ATP13A2: variants seen among roughly 807,000 people sequenced by gnomAD.
The protein encoded by ATP13A2 is ATPase cation transporting 13A2.
A neutral mutation model predicts 138.3 loss-of-function variants in ATP13A2; 83 were observed. The observed-to-expected ratio is 0.60, with a 90% confidence interval of 0.50 to 0.72. The LOEUF is 0.72. Among genes scored for constraint, ATP13A2 ranks in the 30% least tolerant of loss-of-function variants. The pLI is 0.00. For synonymous variants in ATP13A2, 663 were observed against 699.0 expected, an observed-to-expected ratio of 0.95 and a Z score of 0.81; for missense variants, 1,402 against 1,606.4, an observed-to-expected ratio of 0.87 and a Z score of 2.17.
At chr1:16,991,904 G>GC in intron 19 of ATP13A2, 46 bp from the exon 20 acceptor site, 1 of 1,613,084 alleles carries the variant, frequency 6.2e-7, no homozygotes, top group South Asian at 1.1e-5. Context: ...AGTGGCCAGG[G>GC]CCCCTCTCCC....
Position 16,986,404 on chromosome 1 carries a change from G to C in ATP13A2, c.3406-46C>G, listed in dbSNP as rs770500433. On this transcript the variant is annotated intron_variant, in intron 28 of 28. Coordinates refer to ENST00000326735, the MANE Select transcript of ATP13A2 (RefSeq NM_022089.4). The surrounding 1 kb of genome is among the most constrained non-coding windows in gnomAD (Gnocchi z 6.9). ...GTCAGGGGCAGCCGGGGCTGAGCTG[G>C]GGTCAATGCACCCCCACCTCCCTTC... 4.4e-6 allele frequency: 7 copies of C among 1,600,748 alleles called. No individual in the cohort carries two copies. Among genetic ancestry groups the C allele is most frequent in the Non-Finnish European group, 6.0e-6 (7 of 1,176,338 alleles).
intron 11 of ATP13A2, 24 bp downstream of exon 11, chr1:16,999,987 G>A (rs1265614124): frequency 1.3e-6 from 2 of 1,584,906 alleles, no homozygotes; most frequent in Admixed American, 3.5e-5. Flanking sequence ...GAAGGAAGCT[G>A]CAGGCCAGGG....
In ATP13A2 at chr1:16,986,171, G is replaced by T; in HGVS notation, c.*50C>A. 1 of 1,611,888 alleles carries T rather than the reference G, an allele frequency of 6.2e-7. No individual in the cohort carries two copies. The highest frequency in any genetic ancestry group is 8.5e-7 in the Non-Finnish European group (1 of 1,179,358). Reference sequence around the variant, plus strand: ...GTGTTGCTGGAGAGGGGTCCAGTTGGTGGCTCAGAGGCAGGGAGTTCCAGT... The same window carrying T: ...GTGTTGCTGGAGAGGGGTCCAGTTGTTGGCTCAGAGGCAGGGAGTTCCAGT... On this transcript the variant is annotated 3_prime_UTR_variant, in exon 29 of 29. Transcript: ENST00000326735. This position sits in a 1 kb window ranked among gnomAD's most constrained non-coding sequence, Gnocchi z 6.9.
rs949402946 is a variant in ATP13A2 at position 16,995,780 on chromosome 1, C to T, written c.1542+196G>A. The T allele has an allele frequency of 1.3e-6, 1 of 754,940 alleles. No homozygotes were observed. Among genetic ancestry groups the T allele is most frequent in the Non-Finnish European group, 2.3e-6 (1 of 439,614 alleles). The allele number at this position is 754,940 out of a possible 1,614,324, so 46.8% of individuals were successfully genotyped here. A position where few individuals can be genotyped will look rare whatever the true frequency, so the allele number is the denominator to read the frequency against. The stretch of plus-strand genomic sequence containing the variant: ...TTCTTGAACACATGAATACATGATT[C>T]TAGACATTTCATCTGCCAGACCGTG... On this transcript the variant is annotated intron_variant, in intron 15 of 28. Transcript: ENST00000326735. This position sits in a 1 kb window ranked among gnomAD's most constrained non-coding sequence, Gnocchi z 4.1.
intron 3 of ATP13A2, 83 bp downstream of exon 3, chr1:17,005,291 C>A (rs1042882837): frequency 3.9e-6 from 6 of 1,536,324 alleles, no homozygotes; most frequent in Non-Finnish European, 4.4e-6. Flanking sequence ...AAGTCAGTGG[C>A]CGGGTTGGCA....
In ATP13A2 at chr1:17,000,294, C is replaced by T. The variant is rs764560082; in HGVS notation, c.859G>A (p.Asp287Asn). 3.8e-6 allele frequency: 6 copies of T among 1,579,996 alleles called. No individual in the cohort carries two copies. In the South Asian group the frequency reaches 6.9e-5, roughly 18 times the overall value. Residue 287 changes from aspartate to asparagine, a missense_variant, in exon 10 of 29, where the codon GAC (aspartate) becomes AAC (asparagine). By Grantham distance (23) the Asp-to-Asn change is conservative. Coordinates refer to ENST00000326735, the MANE Select transcript of ATP13A2 (RefSeq NM_022089.4). ...ACCCGCATGGACAACTTGACCATGTCCCTTAGAGTCTGGCTTTGCTGTGGG... is the reference window on the plus strand; with the variant it reads ...ACCCGCATGGACAACTTGACCATGTTCCTTAGAGTCTGGCTTTGCTGTGGG... The part of the protein sequence containing the change: ...KTRKQSQTLR[D>N]MVKLSMRVCV...
chr1:17,002,224 A>G, intron 7 of ATP13A2, 72 bp downstream of exon 7: 1 of 1,588,568 alleles, frequency 6.3e-7, no homozygotes, highest in Admixed American at 1.8e-5. Flanking sequence ...AGGTGACTGG[A>G]AGGCAACCAC....
rs2077082847 is a variant in ATP13A2 at position 16,995,417 on chromosome 1, CAA to C, written c.1542+557_1542+558del. On this transcript the variant is annotated intron_variant, in intron 15 of 28. Transcript: ENST00000326735. This position sits in a 1 kb window ranked among gnomAD's most constrained non-coding sequence, Gnocchi z 4.1. ...GCCTGTGTTGGTCACTGCTGGGCCC[CAA>C]GGGTTGGGAGCAGCACGGGATGCAC... 1 of 227,978 alleles carries C rather than the reference CAA, an allele frequency of 4.4e-6. No homozygotes were observed. Among genetic ancestry groups the C allele is most frequent in the Non-Finnish European group, 8.8e-6 (1 of 113,802 alleles). 14.1% of individuals were successfully genotyped at this position (227,978 alleles called of 1,614,324 possible). A position where few individuals can be genotyped will look rare whatever the true frequency, so the allele number is the denominator to read the frequency against.
chr1:16,986,281 C>T lies in ATP13A2; in HGVS notation c.3483G>A (p.Gln1161=). Residue 1161 remains glutamine, a synonymous_variant, in exon 29 of 29, where the codon CAG becomes CAA. Coordinates refer to ENST00000326735, the MANE Select transcript of ATP13A2 (RefSeq NM_022089.4). This position sits in a 1 kb window ranked among gnomAD's most constrained non-coding sequence, Gnocchi z 6.9. ...PKRASKKRFK[Q]LERELAEQPW... ...GCTGCTCGGCCAGCTCTCGTTCCAGCTGCTTGAAGCGCTTCTTGGAGGCCC... is the reference window on the plus strand; with the variant it reads ...GCTGCTCGGCCAGCTCTCGTTCCAGTTGCTTGAAGCGCTTCTTGGAGGCCC... The T allele has an allele frequency of 1.2e-6, 2 of 1,604,338 alleles. No individual in the cohort carries two copies. The highest frequency in any genetic ancestry group is 8.5e-7 in the Non-Finnish European group (1 of 1,176,380).
chr1:16,999,950 A>G (rs1007103386), intron 11 of ATP13A2, 61 bp downstream of exon 11: 10 of 1,505,584 alleles, frequency 6.6e-6, no homozygotes, highest in Non-Finnish European at 8.9e-6. Context: ...CTTTTGCCGC[A>G]GGGCAAAGGG....
At position 16,997,111 on chromosome 1, in the gene ATP13A2, T is replaced by G; in HGVS notation, c.1104A>C (p.Thr368=). The change falls in exon 12 of 29, where the codon ACA becomes ACC. Residue 368 remains threonine (T), a synonymous_variant. Transcript: ENST00000326735. ...PEGLGPYCAE[T]HRRHTLFCGT... is the part of the protein sequence containing the mutation. ...CGCAGAAGAGTGTGTGCCGCCGGTG[T>G]GTCTCTGCACAGTAGGGCCCCAGCC... 1 of 1,613,758 alleles carries G rather than the reference T, an allele frequency of 6.2e-7. No homozygotes were observed. Among genetic ancestry groups the G allele is most frequent in the Non-Finnish European group, 8.5e-7 (1 of 1,180,018 alleles).
rs1196597956 is a variant in ATP13A2, at chr1:16,989,918, A to G, written c.2498T>C (p.Ile833Thr). 2 of 1,601,432 alleles carry G rather than the reference A, an allele frequency of 1.2e-6. No individual in the cohort carries two copies. The highest frequency in any genetic ancestry group is 2.7e-5 in the African/African-American group (2 of 74,962). Reference sequence around the variant, plus strand: ...CAGCAGCTTGGGGAAGTGCTTCACAATGATACCAAAGGTGGGCCCGCTGAG... The same window carrying G: ...CAGCAGCTTGGGGAAGTGCTTCACAGTGATACCAAAGGTGGGCCCGCTGAG... ...LALSGPTFGIIVKHFPKLLPK... is the reference protein window; with the variant it reads ...LALSGPTFGITVKHFPKLLPK... Residue 833 changes from isoleucine to threonine, a missense_variant, in exon 22 of 29, where the codon ATT (isoleucine) becomes ACT (threonine). Physicochemically the swap from Ile to Thr is moderately conservative, Grantham distance 89 (BLOSUM62 -1). Coordinates refer to ENST00000326735, the MANE Select transcript of ATP13A2 (RefSeq NM_022089.4).
Position 17,004,758 on chromosome 1 carries a change from T to C in ATP13A2, c.411A>G (p.Val137=). Residue 137 remains valine (V), a synonymous_variant, in exon 5 of 29, where the codon GTA becomes GTG. Transcript: ENST00000326735. This position sits in a 1 kb window ranked among gnomAD's most constrained non-coding sequence, Gnocchi z 4.1. The stretch of plus-strand genomic sequence containing the variant: ...CCGTATCCTTCCAGGCACCCTCTGG[T>C]ACCGCCCCAACTGCCGCCTGGCTCC... ...DGRSQAAVGA[V]PEGAWKDTAQ... 6.2e-7 allele frequency: 1 copy of C among 1,614,052 alleles called. No individual in the cohort carries two copies. The highest frequency in any genetic ancestry group is 8.5e-7 in the Non-Finnish European group (1 of 1,180,018).
At chr1:17,005,263 T>C in intron 3 of ATP13A2, 111 bp downstream of exon 3, 1 of 1,498,218 alleles carries the variant, frequency 6.7e-7, no homozygotes, top group Non-Finnish European at 9.1e-7. Context: ...GAGCGGGACC[T>C]GCCTAATGTC....
intron 14 of ATP13A2, 43 bp downstream of exon 14, chr1:16,996,211 G>A (rs1273354337): frequency 1.2e-6 from 2 of 1,614,110 alleles, no homozygotes; most frequent in Non-Finnish European, 8.5e-7. Flanking sequence ...GTTGGCCCCT[G>A]GGCCCTGCTG....
At chr1:16,997,598 T>C (rs527479416) in intron 11 of ATP13A2, among the ~76,000 whole-genome samples, 1 of 151,988 alleles carries the variant, frequency 6.6e-6, no homozygotes, top group African/African-American at 2.4e-5. Context: ...TCCCAACACT[T>C]TGGGAGGCTG....
At position 16,993,844 on chromosome 1, in the gene ATP13A2, G is replaced by A. The variant is rs563459900; in HGVS notation, c.1543-9C>T. Reference sequence around the variant, plus strand: ...TCAGTGAGGGTGCCCGTCTGTGGGAGACAGGTGGGTGGGGCAGCGATGAGT... The same window carrying A: ...TCAGTGAGGGTGCCCGTCTGTGGGAAACAGGTGGGTGGGGCAGCGATGAGT... On this transcript the variant is annotated splice_polypyrimidine_tract_variant and intron_variant, in intron 15 of 28. Transcript: ENST00000326735. 3.4e-5 allele frequency: 52 copies of A among 1,545,932 alleles called. No individual in the cohort carries two copies. The Admixed American group carries it at 9.6e-4, about 28-fold the overall frequency.
At chr1:16,991,924 G>A (rs2076945167) in intron 19 of ATP13A2, 66 bp from the exon 20 acceptor site, 1 of 1,612,574 alleles carries the variant, frequency 6.2e-7, no homozygotes, top group Admixed American at 1.7e-5. Context: ...CAGCCACCAG[G>A]CAGGGCATCT....
intron 1 of ATP13A2, among the ~76,000 whole-genome samples, chr1:17,010,578 A>C (rs1324954364): frequency 6.6e-6 from 1 of 152,192 alleles, no homozygotes; most frequent in Non-Finnish European, 1.5e-5. Flanking sequence ...GAAAGGGGAG[A>C]AGCTGGAAAT....
Sources: allele counts gnomAD v4.1 joint callset (sites outside exome capture counted in the v4.1 genomes callset), GRCh38; gene constraint gnomAD v4.1.1; non-coding constraint Gnocchi (gnomAD v3.1); transcripts MANE v1.5; gene names NCBI Gene and HGNC (gene_info 2026-07-23, HGNC 2026-07-21).